CALML4: variants seen among roughly 807,000 people sequenced by gnomAD.
CALML4 encodes the protein calmodulin like 4.
A neutral mutation model predicts 17.9 loss-of-function variants in CALML4; 16 were observed. That is an observed-to-expected ratio of 0.89 (90% CI 0.61 to 1.36). The LOEUF is 1.36. CALML4 is among the 40% of genes most tolerant of loss of function. CALML4 has a pLI of 0.00. For missense variants in CALML4, 203 were observed against 194.8 expected (o/e 1.04, Z -0.25); for synonymous variants, 86 against 71.5 (o/e 1.20, Z -1.02).
rs770523240 is a variant in CALML4 at position 68,199,724 on chromosome 15, C to A, written c.35-43G>T. The A allele has an allele frequency of 2.5e-6, 4 of 1,584,286 alleles. No homozygotes were observed. In the Admixed American group the frequency reaches 5.2e-5, roughly 21 times the overall value. On this transcript the variant is annotated intron_variant, in intron 2 of 4. Coordinates refer to ENST00000467889, the MANE Select transcript of CALML4 (RefSeq NM_033429.3). Reference sequence around the variant, plus strand: ...GGAGGGTCAGCAGCGTCTGGTCACTCTCCGCCCATGCCGCCCTCCCCATCC... The same window carrying A: ...GGAGGGTCAGCAGCGTCTGGTCACTATCCGCCCATGCCGCCCTCCCCATCC...
In CALML4 at chr15:68,194,127, A is replaced by ATTTAATTTTTCAGT; in HGVS notation, c.365-29_365-16dup. 6.2e-7 allele frequency: 1 copy of ATTTAATTTTTCAGT among 1,602,908 alleles called. No individual in the cohort carries two copies. The highest frequency in any genetic ancestry group is 8.5e-7 in the Non-Finnish European group (1 of 1,170,080). ...GAGATCATCCACTGCAATAAATCAC[A>ATTTAATTTTTCAGT]TTTAATTTTTCAGTTTGGCTTTAGT... On this transcript the variant is annotated splice_polypyrimidine_tract_variant and intron_variant, in intron 4 of 4. Transcript: ENST00000467889.
chr15:68,199,891 T>C (rs1301400928), intron 2 of CALML4: 1 of 435,876 alleles, frequency 2.3e-6, no homozygotes, highest in African/African-American at 2.0e-5. Flanking sequence ...AATATACTTT[T>C]ATTGTATGCC....
chr15:68,205,053 G>T lies in CALML4; in HGVS notation c.34+68C>A. On this transcript the variant is annotated intron_variant, in intron 2 of 4. Coordinates refer to ENST00000467889, the MANE Select transcript of CALML4 (RefSeq NM_033429.3). This position sits in a 1 kb window ranked among gnomAD's most constrained non-coding sequence, Gnocchi z 4.8. ...CTTCCTTCCCACCAAGAAAACATGA[G>T]CAGAGCAAATTGCCTAATGAGACCC... 1 of 1,566,192 alleles carries T rather than the reference G, an allele frequency of 6.4e-7. No individual in the cohort carries two copies. The highest frequency in any genetic ancestry group is 8.8e-7 in the Non-Finnish European group (1 of 1,137,182).
chr15:68,193,788 C>T lies in CALML4; in HGVS notation c.*227G>A, dbSNP rs765690824. The T allele has an allele frequency of 1.1e-4, 51 of 468,210 alleles. No individual in the cohort carries two copies. The highest frequency in any genetic ancestry group is 1.7e-4 in the Non-Finnish European group (43 of 260,274). 29.0% of individuals were successfully genotyped at this position (468,210 alleles called of 1,614,324 possible). A position where few individuals can be genotyped will look rare whatever the true frequency, so the allele number is the denominator to read the frequency against. ...AGGCTCCTTCCATGCTTGAAAGGGC[C>T]GGACTCACGGTAGTTAATAAAATCA... On this transcript the variant is annotated 3_prime_UTR_variant, in exon 5 of 5. Coordinates refer to ENST00000467889, the MANE Select transcript of CALML4 (RefSeq NM_033429.3).
intron 2 of CALML4, among the ~76,000 whole-genome samples, chr15:68,203,468 T>TAGG (rs2093172164): frequency 6.6e-6 from 1 of 152,234 alleles, no homozygotes; most frequent in Non-Finnish European, 1.5e-5. Flanking sequence ...CTGATCACAA[T>TAGG]AGGGCTGTCT....
chr15:68,199,845 G>T, intron 2 of CALML4, 164 bp from the exon 3 acceptor site: 2 of 635,448 alleles, frequency 3.1e-6, no homozygotes, highest in Non-Finnish European at 2.5e-6. Context: ...TGAAAATACA[G>T]GACTGCCAAG....
chr15:68,197,549 TTC>T lies in CALML4; in HGVS notation c.253_254del (p.Glu85AsnfsTer39), dbSNP rs2093149870. The T allele has an allele frequency of 4.3e-6, 7 of 1,614,044 alleles. No individual in the cohort carries two copies. The highest frequency in any genetic ancestry group is 5.9e-6 in the Non-Finnish European group (7 of 1,180,002). ...CCACCATCAACATGGCTAGAAGAAT[TTC>T]TTTCTTTGGGTCTTCTTGTTTTATT... ...MQIKQEDPKKEILLAMLMVDK... is the reference protein window; with the variant it reads ...MQIKQEDPKKXILLAMLMVDK... On this transcript the variant is annotated frameshift_variant, in exon 4 of 5. Coordinates refer to ENST00000467889, the MANE Select transcript of CALML4 (RefSeq NM_033429.3). LOFTEE classifies it high-confidence loss of function. The surrounding 1 kb of genome is among the most constrained non-coding windows in gnomAD (Gnocchi z 4.1).
chr15:68,199,629 T>C lies in CALML4; in HGVS notation c.87A>G (p.Lys29=). 1 of 1,613,486 alleles carries C rather than the reference T, an allele frequency of 6.2e-7. No homozygotes were observed. The highest frequency in any genetic ancestry group is 8.5e-7 in the Non-Finnish European group (1 of 1,179,902). Residue 29 remains lysine (K), a synonymous_variant, in exon 3 of 5, where the codon AAA becomes AAG. Transcript: ENST00000467889. The stretch of plus-strand genomic sequence containing the variant: ...TCATGGCCACCATGAGGTCGGTGGC[T>C]TTTATCTTCCCCCTCTGCTGCTTGT... ...LYDKQQRGKI[K]ATDLMVAMRC...
At position 68,191,287 on chromosome 15, in the gene CALML4, A is replaced by G. The variant is rs963361439; in HGVS notation, c.*2728T>C. ...AAACTTTCTCTCTTAGAATTTCCAT[A>G]CCGCATGCCAAACCAGTAAAATGGC... On this transcript the variant is annotated 3_prime_UTR_variant, in exon 5 of 5. Transcript: ENST00000467889. 1.3e-5 allele frequency: 2 copies of G among 152,678 alleles called. No individual in the cohort carries two copies. The highest frequency in any genetic ancestry group is 2.4e-5 in the African/African-American group (1 of 41,472). The allele number at this position is 152,678 out of a possible 1,614,324, so 9.5% of individuals were successfully genotyped here. A position where few individuals can be genotyped will look rare whatever the true frequency, so the allele number is the denominator to read the frequency against.
At chr15:68,199,744 C>A in intron 2 of CALML4, 63 bp from the exon 3 acceptor site, 3 of 1,544,830 alleles carry the variant, frequency 1.9e-6, no homozygotes, top group Non-Finnish European at 2.6e-6. Context: ...GCCGCCCTCC[C>A]CATCCTTAGT....
At chr15:68,196,189 C>T (rs1182013103) in intron 4 of CALML4, among the ~76,000 whole-genome samples, 17 of 152,248 alleles carry the variant, frequency 1.1e-4, no homozygotes, top group Non-Finnish European at 5.9e-5. Context: ...GCTGGGGCTA[C>T]AGGCGCCCGC....
At chr15:68,198,632 C>A (rs1183657590) in intron 3 of CALML4, 1 of 152,152 alleles carries the variant, frequency 6.6e-6, no homozygotes, top group Non-Finnish European at 1.5e-5. Flanking sequence ...GTTGAAAATA[C>A]AGGAAACAAT....
intron 3 of CALML4, chr15:68,198,010 T>C: frequency 5.2e-6 from 1 of 191,484 alleles, no homozygotes; most frequent in South Asian, 1.1e-4. Context: ...CCACAGTACA[T>C]CTTACCAGGA....
At chr15:68,205,507 G>A (rs2093180440), upstream of CALML4, 1 of 1,102,594 alleles carries the variant, frequency 9.1e-7, no homozygotes, top group African/African-American at 1.6e-5. The surrounding 1 kb of genome is among the most constrained non-coding windows in gnomAD (Gnocchi z 4.8). Flanking sequence ...CAGAGTCTCT[G>A]CCTCCAGAAG....
chr15:68,200,685 G>A lies in CALML4; in HGVS notation c.35-1004C>T, dbSNP rs567302114. 6.6e-6 allele frequency among the ~76,000 whole-genome samples: 1 copy of A among 152,220 alleles called. No homozygotes were observed. The highest frequency in any genetic ancestry group is 2.4e-5 in the African/African-American group (1 of 41,516). ...AGCCGTGGAAACACAGTGGCCTGGCGCTGGCCCTCCCAGGCTGGGGCTCAG... is the reference window on the plus strand; with the variant it reads ...AGCCGTGGAAACACAGTGGCCTGGCACTGGCCCTCCCAGGCTGGGGCTCAG... On this transcript the variant is annotated intron_variant, in intron 2 of 4. Transcript: ENST00000467889. The surrounding 1 kb of genome is among the most constrained non-coding windows in gnomAD (Gnocchi z 4.3).
In CALML4 at chr15:68,205,111, C is replaced by T. The variant is rs542903726; in HGVS notation, c.34+10G>A. 2 of 1,614,026 alleles carry T rather than the reference C, an allele frequency of 1.2e-6. No individual in the cohort carries two copies. Among genetic ancestry groups the T allele is most frequent in the South Asian group, 1.1e-5 (1 of 91,070 alleles). ...GCTGAGTTGCTAATCAAAGAACAAA[C>T]CCAACCTACCATTAATTTGGTCTTG... On this transcript the variant is annotated intron_variant, in intron 2 of 4. Coordinates refer to ENST00000467889, the MANE Select transcript of CALML4 (RefSeq NM_033429.3). This position sits in a 1 kb window ranked among gnomAD's most constrained non-coding sequence, Gnocchi z 4.8.
chr15:68,193,884 C>G lies in CALML4; in HGVS notation c.*131G>C, dbSNP rs1056359871. On this transcript the variant is annotated 3_prime_UTR_variant, in exon 5 of 5. Transcript: ENST00000467889. ...ATCTATTATTGTTGCTAGTTAGCCT[C>G]TCTTCTATAGTTGGGTAATGTTGTC... The G allele has an allele frequency of 2.5e-5, 16 of 633,002 alleles. No individual in the cohort carries two copies. The highest frequency in any genetic ancestry group is 4.0e-5 in the Non-Finnish European group (14 of 351,274). The allele number at this position is 633,002 out of a possible 1,614,324, so 39.2% of individuals were successfully genotyped here. A position where few individuals can be genotyped will look rare whatever the true frequency, so the allele number is the denominator to read the frequency against.
chr15:68,205,269 C>G lies in CALML4; in HGVS notation c.-22G>C. On this transcript the variant is annotated 5_prime_UTR_variant, in exon 1 of 5. Transcript: ENST00000467889. This position sits in a 1 kb window ranked among gnomAD's most constrained non-coding sequence, Gnocchi z 4.8. Reference sequence around the variant, plus strand: ...CCATTCTGGGGCCTCGGCTGCTACCCGTGGGCTTGCTGCTCCCAGAACCGC... The same window carrying G: ...CCATTCTGGGGCCTCGGCTGCTACCGGTGGGCTTGCTGCTCCCAGAACCGC... The G allele has an allele frequency of 1.9e-6, 3 of 1,614,090 alleles. No homozygotes were observed. The highest frequency in any genetic ancestry group is 1.1e-5 in the South Asian group (1 of 91,074).
chr15:68,198,229 A>G (rs560423295), intron 3 of CALML4: 1 of 152,536 alleles, frequency 6.6e-6, no homozygotes, highest in East Asian at 1.9e-4. Context: ...GGAGCTGGAC[A>G]TGGGGGATCT....
Sources: allele counts gnomAD v4.1 joint callset (sites outside exome capture counted in the v4.1 genomes callset), GRCh38; gene constraint gnomAD v4.1.1; non-coding constraint Gnocchi (gnomAD v3.1); transcripts MANE v1.5; gene names NCBI Gene and HGNC (gene_info 2026-07-23, HGNC 2026-07-21).